The following ZNF251 variants were observed in gnomAD, a reference collection of about 807,000 sequenced individuals.
ZNF251 encodes the protein zinc finger protein 251.
A neutral mutation model predicts 13.5 loss-of-function variants in ZNF251; 14 were observed. That is an observed-to-expected ratio of 1.04 (90% confidence interval 0.69 to 1.63). The LOEUF (loss-of-function observed/expected upper bound fraction) is 1.63. ZNF251 is among the 40% of genes most tolerant of loss of function. The pLI is 0.00. For missense variants in ZNF251, 764 were observed against 834.9 expected (o/e 0.92, Z 1.05); for synonymous variants, 287 against 295.2 (o/e 0.97, Z 0.28).
intron 4 of ZNF251, chr8:144,730,012 A>C (rs1010721442): frequency 1.0e-6 from 1 of 983,918 alleles, no homozygotes; most frequent in Non-Finnish European, 1.2e-6. Flanking sequence ...TGTTCCCAGG[A>C]GCGGGTGCCC....
intron 4 of ZNF251, among the ~76,000 whole-genome samples, chr8:144,744,755 C>T (rs1824338678): frequency 6.6e-6 from 1 of 152,202 alleles, no homozygotes; most frequent in African/African-American, 2.4e-5. Flanking sequence ...GTGTAGCCTC[C>T]AGAACTGTAA....
Position 144,723,138 on chromosome 8 carries a change from T to C in ZNF251, c.522A>G (p.Arg174=), listed in dbSNP as rs759623713. Reference sequence around the variant, plus strand: ...ACTCTTGGGTTCTTTCTCCCAAAGATCTTTCCCTGCCCACGGTAGCTTCTG... The same window carrying C: ...ACTCTTGGGTTCTTTCTCCCAAAGACCTTTCCCTGCCCACGGTAGCTTCTG... ...VLTEATVGRE[R]SLGERTQECS... Residue 174 remains arginine, a synonymous_variant, in exon 5 of 5, where the codon AGA becomes AGG. Transcript: ENST00000292562. The C allele has an allele frequency of 1.2e-6, 2 of 1,613,634 alleles. No individual in the cohort carries two copies. The highest frequency in any genetic ancestry group is 1.1e-5 in the South Asian group (1 of 91,064).
chr8:144,728,278 G>A (rs61690329), intron 4 of ZNF251, among the ~76,000 whole-genome samples: 4,138 of 152,090 alleles, frequency 0.027, 196 homozygotes, highest in African/African-American at 0.095. Flanking sequence ...TAAGCTCACC[G>A]TCTCATACAG....
intron 4 of ZNF251, among the ~76,000 whole-genome samples, chr8:144,726,819 G>A (rs1478992384): frequency 6.6e-6 from 1 of 151,784 alleles, no homozygotes; most frequent in Non-Finnish European, 1.5e-5. Flanking sequence ...GCAGTGAGCC[G>A]AGATCGCGCC....
chr8:144,753,511 A>T (rs1824800903), intron 4 of ZNF251, 172 bp downstream of exon 4: 2 of 561,320 alleles, frequency 3.6e-6, no homozygotes, highest in Admixed American at 6.6e-5. Flanking sequence ...CAGCAAGATA[A>T]AACTTCTAAA....
At position 144,736,521 on chromosome 8, in the gene ZNF251, C is replaced by T. The variant is rs371933435; in HGVS notation, c.278-13139G>A. ...TTTATTTATTTTTGAGACAGAGTTT[C>T]GCTCTTGTTGCCCAGGCTAGAGTGC... On this transcript the variant is annotated intron_variant, in intron 4 of 4. Transcript: ENST00000292562. Among the ~76,000 whole-genome samples the T allele has an allele frequency of 3.7e-4, 56 of 151,372 alleles. No individual in the cohort carries two copies. In the East Asian group the frequency reaches 7.6e-3, roughly 20 times the overall value.
intron 4 of ZNF251, among the ~76,000 whole-genome samples, chr8:144,727,869 G>C (rs1387107433): frequency 2.6e-5 from 4 of 152,284 alleles, no homozygotes; most frequent in Admixed American, 1.3e-4. Flanking sequence ...CTGGAGTGCA[G>C]TGGTGTGATC....
intron 4 of ZNF251, among the ~76,000 whole-genome samples, chr8:144,730,559 G>A (rs889052509): frequency 2.7e-5 from 4 of 148,228 alleles, no homozygotes; most frequent in African/African-American, 5.0e-5. Context: ...GCGACGGGGC[G>A]TCCCGGGGGT....
Position 144,723,040 on chromosome 8 carries a change from C to T in ZNF251, c.620G>A (p.Arg207Lys). 6.2e-7 allele frequency: 1 copy of T among 1,613,976 alleles called. No homozygotes were observed. Among genetic ancestry groups the T allele is most frequent in the Non-Finnish European group, 8.5e-7 (1 of 1,179,874 alleles). The change falls in exon 5 of 5, where the codon AGG (arginine) becomes AAG (lysine). Residue 207 changes from arginine to lysine, a missense_variant. Arg to Lys is a conservative substitution (Grantham distance 26, BLOSUM62 2). Coordinates refer to ENST00000292562, the MANE Select transcript of ZNF251 (RefSeq NM_138367.2). ...VRLQRNKTGE[R>K]VFKCDICSKT... ...GCTGCATATATCACATTTAAAGACC[C>T]TCTCTCCTGTTTTATTTCTTTGAAG...
chr8:144,753,852 A>G, intron 3 of ZNF251, 56 bp from the exon 4 acceptor site: 4 of 1,357,376 alleles, frequency 2.9e-6, no homozygotes, highest in Non-Finnish European at 4.1e-6. Context: ...CTTCCAGGCC[A>G]GGTGTGGAGA....
At chr8:144,749,904 A>G (rs541696348) in intron 4 of ZNF251, among the ~76,000 whole-genome samples, 24 of 148,402 alleles carry the variant, frequency 1.6e-4, no homozygotes, top group Non-Finnish European at 3.4e-4. Context: ...TTTTTTTAAG[A>G]AAGATGATCT....
At chr8:144,731,922 A>G (rs1482879516) in intron 4 of ZNF251, among the ~76,000 whole-genome samples, 1 of 148,770 alleles carries the variant, frequency 6.7e-6, no homozygotes, top group Non-Finnish European at 1.5e-5. Context: ...AATTAAATTC[A>G]ATAAAGGACA....
At chr8:144,749,247 G>A (rs1237246602) in intron 4 of ZNF251, among the ~76,000 whole-genome samples, 3 of 152,168 alleles carry the variant, frequency 2.0e-5, no homozygotes, top group Non-Finnish European at 4.4e-5. Context: ...AGCACTTTGG[G>A]AGGCCAAGGT....
chr8:144,730,899 C>T (rs1040270109), intron 4 of ZNF251, among the ~76,000 whole-genome samples: 5 of 152,240 alleles, frequency 3.3e-5, no homozygotes, highest in African/African-American at 1.2e-4. Flanking sequence ...CAAGATCTTA[C>T]TCAAGATCTC....
At chr8:144,753,833 C>A in intron 3 of ZNF251, 37 bp from the exon 4 acceptor site, 1 of 1,487,066 alleles carries the variant, frequency 6.7e-7, no homozygotes, top group South Asian at 1.2e-5. Flanking sequence ...CTGGCATGGC[C>A]CACTGGGCCT....
rs1823376127 is a variant in ZNF251 at position 144,721,737 on chromosome 8, C to T, written c.1923G>A (p.Gln641=). ...CAGGTTTCTCTCCAACACGAGTCTG[C>T]TGAGGTGGTGTGAGCTGTGAACTCT... ...FSQSSQLTPP[Q]QTRVGEKPAL... Residue 641 remains glutamine (Q), a synonymous_variant, in exon 5 of 5, where the codon CAG becomes CAA. Transcript: ENST00000292562. 5 of 1,408,798 alleles carry T rather than the reference C, an allele frequency of 3.5e-6. No individual in the cohort carries two copies. In the South Asian group the frequency reaches 1.1e-4, roughly 30 times the overall value. The allele number at this position is 1,408,798 out of a possible 1,614,324, so 87.3% of individuals were successfully genotyped here. A position where few individuals can be genotyped will look rare whatever the true frequency, so the allele number is the denominator to read the frequency against.
chr8:144,732,436 A>C (rs914132406), intron 4 of ZNF251, among the ~76,000 whole-genome samples: 2 of 152,184 alleles, frequency 1.3e-5, no homozygotes, highest in Non-Finnish European at 2.9e-5. Flanking sequence ...TGGGGGAAAA[A>C]GTGCTGTACA....
chr8:144,724,886 CTGT>C (rs1823473098), intron 4 of ZNF251, among the ~76,000 whole-genome samples: 1 of 152,196 alleles, frequency 6.6e-6, no homozygotes, highest in Admixed American at 6.5e-5. Context: ...TCTTCCTTAA[CTGT>C]TTAGTACAAG....
Position 144,732,624 on chromosome 8 carries a change from A to AAC in ZNF251, c.278-9244_278-9243dup, listed in dbSNP as rs1186384610. ...TCAGGAGATGGAGACCATCCTGGCCAACACGGTGAAACCCCGTCTCTACTA... is the reference window on the plus strand; with the variant it reads ...TCAGGAGATGGAGACCATCCTGGCCAACACACGGTGAAACCCCGTCTCTACTA... On this transcript the variant is annotated intron_variant, in intron 4 of 4. Coordinates refer to ENST00000292562, the MANE Select transcript of ZNF251 (RefSeq NM_138367.2). Among the ~76,000 whole-genome samples the AAC allele has an allele frequency of 1.5e-3, 230 of 151,558 alleles. 2 individuals carry two copies. The highest frequency in any genetic ancestry group is 5.4e-3 in the African/African-American group (222 of 41,412).
Sources: gnomAD v4.1 joint callset for allele counts (sites outside exome capture counted in the v4.1 genomes callset) on GRCh38, gnomAD v4.1.1 for gene constraint, MANE v1.5 for transcripts, NCBI Gene and HGNC (gene_info 2026-07-23, HGNC 2026-07-21) for gene names.